MAP2K4: variants seen among roughly 807,000 people sequenced by gnomAD.
The protein encoded by MAP2K4 is dual specificity mitogen-activated protein kinase kinase 4.
MAP2K4 carries 4 observed loss-of-function variants against 48.5 expected under a neutral mutation model. The ratio of observed to expected loss-of-function variants is 0.08; its 90% CI spans 0.04 to 0.19. The LOEUF (loss-of-function observed/expected upper bound fraction) is 0.19. Ranked by LOEUF, MAP2K4 falls within the 10% of genes least tolerant of loss-of-function variation. MAP2K4 has a pLI of 1.00. For missense variants in MAP2K4, 258 were observed against 493.3 expected (o/e 0.52, Z 4.52); for synonymous variants, 166 against 173.1 (o/e 0.96, Z 0.32).
chr17:12,073,603 C>G (rs1290474924), intron 2 of MAP2K4, among the ~76,000 whole-genome samples: 1 of 152,104 alleles, frequency 6.6e-6, no homozygotes, highest in Non-Finnish European at 1.5e-5. Flanking sequence ...TTTTCTTTCT[C>G]TCCTTCTCTC....
intron 5 of MAP2K4, 135 bp from the exon 6 acceptor site, chr17:12,110,239 GA>G: frequency 1.5e-6 from 1 of 666,182 alleles, no homozygotes; most frequent in East Asian, 2.9e-5. Flanking sequence ...TGGTTAACAA[GA>G]AATGACAAAA....
chr17:12,043,431 G>C (rs898566370), intron 1 of MAP2K4, among the ~76,000 whole-genome samples: 2 of 152,120 alleles, frequency 1.3e-5, no homozygotes, highest in Non-Finnish European at 2.9e-5. Context: ...GTTAGCATCA[G>C]ATCTCACAAG....
intron 7 of MAP2K4, among the ~76,000 whole-genome samples, chr17:12,117,280 G>C (rs1187306243): frequency 6.6e-6 from 1 of 151,952 alleles, no homozygotes; most frequent in Non-Finnish European, 1.5e-5. Flanking sequence ...TGCAAAGCCC[G>C]AAATGCTCCC....
intron 4 of MAP2K4, among the ~76,000 whole-genome samples, chr17:12,105,333 G>A (rs1236729474): frequency 6.6e-6 from 1 of 152,044 alleles, no homozygotes; most frequent in African/African-American, 2.4e-5. Flanking sequence ...TTATTGTTAT[G>A]TCCTTTAGTA....
At chr17:12,115,676 A>G in intron 7 of MAP2K4, 2 of 757,286 alleles carry the variant, frequency 2.6e-6, no homozygotes, top group Non-Finnish European at 2.5e-6. Context: ...CCAGTGGAAC[A>G]CAAATGTAGT....
intron 1 of MAP2K4, among the ~76,000 whole-genome samples, chr17:12,053,005 C>T (rs1970187767): frequency 2.6e-5 from 4 of 152,002 alleles, no homozygotes; most frequent in Admixed American, 2.6e-4. Flanking sequence ...TAAATATTAC[C>T]AGCTCAAAAA....
At chr17:12,105,634 TG>T (rs764666771) in intron 4 of MAP2K4, among the ~76,000 whole-genome samples, 4 of 152,120 alleles carry the variant, frequency 2.6e-5, no homozygotes, top group Non-Finnish European at 5.9e-5. Flanking sequence ...ACAGTCATGC[TG>T]CTGTCACTAC....
At position 12,129,250 on chromosome 17, in the gene MAP2K4, G is replaced by C. The variant is rs908877597; in HGVS notation, c.1003G>C (p.Glu335Gln). The C allele has an allele frequency of 1.5e-5, 25 of 1,614,238 alleles. No homozygotes were observed. The highest frequency in any genetic ancestry group is 2.1e-5 in the Non-Finnish European group (25 of 1,180,024). The change falls in exon 9 of 11, where the codon GAA (glutamate) becomes CAA (glutamine). Residue 335 changes from glutamate (E) to glutamine (Q), a missense_variant. Glu to Gln is a conservative substitution (Grantham distance 29). Transcript: ENST00000353533. ...GCAGCTGAGTAATTCTGAGGAAAGG[G>C]AATTCTCCCCGAGTTTCATCAACTT... ...PPQLSNSEER[E>Q]FSPSFINFVN...
intron 9 of MAP2K4, among the ~76,000 whole-genome samples, chr17:12,136,532 A>G (rs913847965): frequency 6.6e-6 from 1 of 152,226 alleles, no homozygotes; most frequent in Non-Finnish European, 1.5e-5. Flanking sequence ...AGCTGCTGGC[A>G]TTTGAAATGT....
intron 1 of MAP2K4, among the ~76,000 whole-genome samples, chr17:12,038,687 G>A (rs1471745266): frequency 1.3e-5 from 2 of 152,100 alleles, no homozygotes; most frequent in Non-Finnish European, 2.9e-5. Flanking sequence ...CCTGCTCTAA[G>A]CACTTTATAT....
At chr17:12,035,701 T>C (rs2151512797) in intron 1 of MAP2K4, among the ~76,000 whole-genome samples, 1 of 152,320 alleles carries the variant, frequency 6.6e-6, no homozygotes, top group South Asian at 2.1e-4. Flanking sequence ...GAATTATGTA[T>C]CATACAGTAG....
chr17:12,110,782 C>T (rs1391085666), intron 6 of MAP2K4: 2 of 193,306 alleles, frequency 1.0e-5, no homozygotes, highest in African/African-American at 4.8e-5. Flanking sequence ...GGATAGTACC[C>T]TCAAGCATTT....
chr17:12,115,917 C>A, intron 7 of MAP2K4: 1 of 539,192 alleles, frequency 1.9e-6, no homozygotes, highest in Admixed American at 2.5e-5. Context: ...GACCTTCCTC[C>A]GGTAGTTCAT....
At chr17:12,024,831 A>C (rs960759851) in intron 1 of MAP2K4, among the ~76,000 whole-genome samples, 1 of 152,212 alleles carries the variant, frequency 6.6e-6, no homozygotes. Context: ...GAACCTTCCT[A>C]GCCATGGCTA....
At chr17:12,057,100 A>G (rs1370258859) in intron 2 of MAP2K4, among the ~76,000 whole-genome samples, 1 of 152,194 alleles carries the variant, frequency 6.6e-6, no homozygotes, top group East Asian at 1.9e-4. Context: ...ATTAAAAAAA[A>G]AATTGTAAGA....
At chr17:12,025,645 T>C (rs1969230536) in intron 1 of MAP2K4, among the ~76,000 whole-genome samples, 1 of 152,206 alleles carries the variant, frequency 6.6e-6, no homozygotes, top group African/African-American at 2.4e-5. Flanking sequence ...GTCGAGTCCT[T>C]AGCTATTTAC....
At chr17:12,113,469 T>G in intron 7 of MAP2K4, 109 bp downstream of exon 7, 1 of 1,363,418 alleles carries the variant, frequency 7.3e-7, no homozygotes. Flanking sequence ...TGCTAGAATA[T>G]TTCCCTTACC....
At chr17:12,058,780 T>TG (rs1230767328) in intron 2 of MAP2K4, among the ~76,000 whole-genome samples, 3 of 152,208 alleles carry the variant, frequency 2.0e-5, no homozygotes, top group African/African-American at 7.2e-5. Flanking sequence ...ATAGTACCAT[T>TG]GCTACATCTA....
rs901693583 is a variant in MAP2K4 at position 12,037,251 on chromosome 17, G to T, written c.115+16250G>T. 7.2e-5 allele frequency among the ~76,000 whole-genome samples: 11 copies of T among 152,156 alleles called. No homozygotes were observed. In the East Asian group the frequency reaches 2.1e-3, roughly 29 times the overall value. On this transcript the variant is annotated intron_variant, in intron 1 of 10. Coordinates refer to ENST00000353533, the MANE Select transcript of MAP2K4 (RefSeq NM_003010.4). ...GTATCCCTAATTGTTTTTTAAATTG[G>T]TAATAATAAAAAGGAAACCATAAAG...
Sources: gnomAD v4.1 joint callset for allele counts (sites outside exome capture counted in the v4.1 genomes callset) on GRCh38, gnomAD v4.1.1 for gene constraint, MANE v1.5 for transcripts, NCBI Gene and HGNC (gene_info 2026-07-23, HGNC 2026-07-21) for gene names.